The following RAPGEF2 variants were observed in gnomAD, a reference collection of about 807,000 sequenced individuals.
RAPGEF2 encodes Rap guanine nucleotide exchange factor 2, also known as PDZ domain containing guanine nucleotide exchange factor (GEF) 1.
RAPGEF2 carries 54 observed loss-of-function variants against 186.7 expected under a neutral mutation model. The observed-to-expected ratio is 0.29, with a 90% CI of 0.23 to 0.36. RAPGEF2 has a LOEUF of 0.36. Among genes scored for constraint, RAPGEF2 ranks in the 10% least tolerant of loss-of-function variants. RAPGEF2 has a pLI of 1.00. For synonymous variants in RAPGEF2, 712 were observed against 705.9 expected (o/e 1.01, Z -0.14); for missense variants, 1,532 against 2,045.0 (o/e 0.75, Z 4.84).
At chr4:159,329,753 CAG>C (rs1248797206) in intron 11 of RAPGEF2, 103 bp from the exon 12 acceptor site, 1 of 879,872 alleles carries the variant, frequency 1.1e-6, no homozygotes, top group Non-Finnish European at 1.7e-6. Flanking sequence ...ATGGGAAAGA[CAG>C]GGAAAAATGT....
chr4:159,348,313 T>TTG (rs1263011951), intron 25 of RAPGEF2, among the ~76,000 whole-genome samples: 1 of 152,042 alleles, frequency 6.6e-6, no homozygotes, highest in African/African-American at 2.4e-5. Flanking sequence ...GAGAGATAGA[T>TTG]AGCAAAGAGT....
At chr4:159,135,851 G>A (rs781432078) in intron 1 of RAPGEF2, among the ~76,000 whole-genome samples, 1 of 151,454 alleles carries the variant, frequency 6.6e-6, no homozygotes, top group East Asian at 2.0e-4. Context: ...TGCCCGCCTC[G>A]GCCTCCCAAA....
chr4:159,156,447 A>G (rs537264404), intron 1 of RAPGEF2, among the ~76,000 whole-genome samples: 2 of 152,176 alleles, frequency 1.3e-5, no homozygotes, highest in Admixed American at 6.5e-5. Flanking sequence ...TATGATTTGT[A>G]TGTAATTTTT....
intron 7 of RAPGEF2, among the ~76,000 whole-genome samples, chr4:159,301,056 G>A (rs1762603291): frequency 1.3e-5 from 2 of 152,108 alleles, no homozygotes; most frequent in South Asian, 4.1e-4. Context: ...TCCATAACTT[G>A]ACTGATGTGT....
chr4:159,356,746 C>A (rs1483781878), intron 29 of RAPGEF2, among the ~76,000 whole-genome samples: 3 of 151,708 alleles, frequency 2.0e-5, no homozygotes, highest in African/African-American at 7.3e-5. Context: ...ACTAAAAATA[C>A]AAAAATTAGC....
intron 8 of RAPGEF2, 118 bp downstream of exon 8, chr4:159,304,591 G>A: frequency 6.7e-6 from 6 of 899,168 alleles, no homozygotes; most frequent in African/African-American, 1.7e-5. Context: ...GTGCATGTAA[G>A]TACATAAAAT....
chr4:159,232,255 A>G (rs1004070778), intron 4 of RAPGEF2, among the ~76,000 whole-genome samples: 1 of 152,232 alleles, frequency 6.6e-6, no homozygotes, highest in African/African-American at 2.4e-5. Context: ...CTGTAACTCC[A>G]GATGGAAACC....
chr4:159,144,892 T>G (rs945661507), intron 1 of RAPGEF2, among the ~76,000 whole-genome samples: 9 of 141,276 alleles, frequency 6.4e-5, no homozygotes, highest in South Asian at 2.3e-4. Context: ...TTTTTTTTTT[T>G]TTTTTTTTTT....
intron 3 of RAPGEF2, among the ~76,000 whole-genome samples, chr4:159,198,845 C>T (rs1464273595): frequency 1.3e-5 from 2 of 151,618 alleles, no homozygotes; most frequent in African/African-American, 2.4e-5. Flanking sequence ...AATGGTGGCT[C>T]GAGGTGGGCG....
In RAPGEF2 at chr4:159,198,965, A is replaced by G. The variant is rs188493835; in HGVS notation, c.197+5709A>G. ...GTGGCATGAGCCTGTAATTCCAGCT[A>G]CTTGGGAGGCTGAGCCACGAGAATT... On this transcript the variant is annotated intron_variant, in intron 3 of 29. Coordinates refer to ENST00000691494, the MANE Select transcript of RAPGEF2 (RefSeq NM_001394067.2). Among the ~76,000 whole-genome samples, 44 of 150,310 alleles carry G rather than the reference A, an allele frequency of 2.9e-4. 1 individual carries two copies. Among genetic ancestry groups the G allele is most frequent in the African/African-American group, 1.0e-3 (41 of 40,830 alleles).
At chr4:159,349,890 A>AT (rs773509670) in intron 25 of RAPGEF2, among the ~76,000 whole-genome samples, 1 of 152,208 alleles carries the variant, frequency 6.6e-6, no homozygotes, top group African/African-American at 2.4e-5. Context: ...AACGTAAAAT[A>AT]TCAAAAGCAA....
In RAPGEF2 at chr4:159,330,506, A is replaced by G; in HGVS notation, c.1467+8A>G. 2 of 1,584,670 alleles carry G rather than the reference A, an allele frequency of 1.3e-6. No individual in the cohort carries two copies. The highest frequency in any genetic ancestry group is 1.7e-6 in the Non-Finnish European group (2 of 1,168,258). On this transcript the variant is annotated splice_region_variant and intron_variant, in intron 13 of 29. Coordinates refer to ENST00000691494, the MANE Select transcript of RAPGEF2 (RefSeq NM_001394067.2). The stretch of plus-strand genomic sequence containing the variant: ...CCGAGCCTCAGGGATAAGGTTGGAA[A>G]TATATTCTATTTTGTCTCTTAAATA...
intron 7 of RAPGEF2, among the ~76,000 whole-genome samples, chr4:159,275,923 C>G (rs982301203): frequency 6.6e-6 from 1 of 151,954 alleles, no homozygotes; most frequent in African/African-American, 2.4e-5. Flanking sequence ...TGGAAGCACT[C>G]TTGTTTATTT....
At chr4:159,314,521 T>C in intron 8 of RAPGEF2, 70 bp from the exon 9 acceptor site, 1 of 1,370,244 alleles carries the variant, frequency 7.3e-7, no homozygotes. Context: ...TGAGGCTTGC[T>C]CTTGTTTCTT....
At chr4:159,238,703 A>T in intron 4 of RAPGEF2, 106 bp from the exon 5 acceptor site, 1 of 668,548 alleles carries the variant, frequency 1.5e-6, no homozygotes, top group South Asian at 3.4e-5. Context: ...ACTTTTTGTA[A>T]TTGTTTTTAA....
At chr4:159,172,513 T>C (rs538785257) in intron 1 of RAPGEF2, among the ~76,000 whole-genome samples, 19 of 152,314 alleles carry the variant, frequency 1.2e-4, no homozygotes, top group African/African-American at 3.8e-4. Flanking sequence ...AATGATGATC[T>C]GAGGGCTTTA....
rs77844115 is a variant in RAPGEF2 at position 159,297,483 on chromosome 4, A to C, written c.544-6859A>C. On this transcript the variant is annotated intron_variant, in intron 7 of 29. Transcript: ENST00000691494. Reference sequence around the variant, plus strand: ...CTTTGAGAGAATTCTAAACTACAGAAATTTGAATATTTTATTATAAAAGAG... The same window carrying C: ...CTTTGAGAGAATTCTAAACTACAGACATTTGAATATTTTATTATAAAAGAG... 2.8e-3 allele frequency among the ~76,000 whole-genome samples: 433 copies of C among 152,338 alleles called. 2 individuals are homozygous for C. Among genetic ancestry groups the C allele is most frequent in the African/African-American group, 9.4e-3 (389 of 41,578 alleles).
At chr4:159,169,197 CTA>C (rs1399940375) in intron 1 of RAPGEF2, among the ~76,000 whole-genome samples, 8 of 151,870 alleles carry the variant, frequency 5.3e-5, no homozygotes, top group Admixed American at 5.2e-4. Flanking sequence ...AACTCCCAAT[CTA>C]TGTGGAAATT....
chr4:159,355,404 G>T (rs139674041), intron 28 of RAPGEF2, among the ~76,000 whole-genome samples: 1 of 152,256 alleles, frequency 6.6e-6, no homozygotes, highest in East Asian at 1.9e-4. Flanking sequence ...AAAGATAAAT[G>T]CCCAGAAAGA....
Sources: gnomAD v4.1 joint callset for allele counts (sites outside exome capture counted in the v4.1 genomes callset) on GRCh38, gnomAD v4.1.1 for gene constraint, MANE v1.5 for transcripts, NCBI Gene and HGNC (gene_info 2026-07-23, HGNC 2026-07-21) for gene names.